The following LRCH1 variants were observed in gnomAD, a reference collection of about 807,000 sequenced individuals.
The protein encoded by LRCH1 is leucine-rich repeat and calponin homology domain-containing protein 1.
In LRCH1, 23 loss-of-function variants were observed where a neutral mutation model predicts 94.9. That is an observed-to-expected ratio of 0.24 (90% CI 0.17 to 0.34). The LOEUF is 0.34. Ranked by LOEUF, LRCH1 falls within the 10% of genes least tolerant of loss-of-function variation. LRCH1 has a pLI of 1.00. For missense variants in LRCH1, 790 were observed against 945.9 expected (o/e 0.84, Z 2.16); for synonymous variants, 364 against 354.9 (o/e 1.03, Z -0.29).
At chr13:46,690,328 A>T (rs879389154) in intron 7 of LRCH1, among the ~76,000 whole-genome samples, 8 of 152,136 alleles carry the variant, frequency 5.3e-5, no homozygotes, top group Non-Finnish European at 1.2e-4. Context: ...GAGAGAGGGG[A>T]TACTAAACAC....
chr13:46,637,712 G>GTT (rs5803363), intron 1 of LRCH1, among the ~76,000 whole-genome samples: 28 of 150,372 alleles, frequency 1.9e-4, no homozygotes, highest in South Asian at 1.3e-3. Context: ...GCACTTCGTA[G>GTT]TTTTTTTTTT....
intron 1 of LRCH1, among the ~76,000 whole-genome samples, chr13:46,557,169 T>A (rs1226546118): frequency 2.6e-5 from 1 of 38,166 alleles, no homozygotes; most frequent in African/African-American, 5.4e-5. Context: ...TAAAGCAAAT[T>A]TTTTTTTTTT....
intron 16 of LRCH1, among the ~76,000 whole-genome samples, chr13:46,722,151 A>G (rs1872610368): frequency 6.6e-6 from 1 of 152,224 alleles, no homozygotes; most frequent in African/African-American, 2.4e-5. Flanking sequence ...CTTATTCAGC[A>G]TTGTTTAAAT....
intron 2 of LRCH1, among the ~76,000 whole-genome samples, chr13:46,652,372 G>A (rs866464624): frequency 4.7e-5 from 7 of 149,348 alleles, no homozygotes; most frequent in Non-Finnish European, 7.4e-5. Context: ...CACTGCGTCT[G>A]GCCAAGTGTA....
At chr13:46,681,965 T>TGTGC (rs1188518112) in intron 4 of LRCH1, 119 bp downstream of exon 4, 6 of 639,170 alleles carry the variant, frequency 9.4e-6, no homozygotes, top group South Asian at 1.9e-5. Context: ...TGTGTGTGTG[T>TGTGC]GCCTACTACT....
chr13:46,688,159 A>G (rs192825884), intron 6 of LRCH1, among the ~76,000 whole-genome samples, 180 bp downstream of exon 6: 14 of 152,366 alleles, frequency 9.2e-5, no homozygotes, highest in African/African-American at 3.4e-4. Flanking sequence ...TTGAGAAACT[A>G]TTGGGATATG....
intron 1 of LRCH1, among the ~76,000 whole-genome samples, chr13:46,642,268 T>C (rs565021218): frequency 6.6e-6 from 1 of 152,326 alleles, no homozygotes; most frequent in East Asian, 1.9e-4. Context: ...TTCTACAAGC[T>C]ATACCCATAT....
At chr13:46,740,940 G>C (rs1873620958) in intron 19 of LRCH1, among the ~76,000 whole-genome samples, 1 of 152,098 alleles carries the variant, frequency 6.6e-6, no homozygotes, top group Non-Finnish European at 1.5e-5. Flanking sequence ...GTTTAGTAGT[G>C]AAGCAATTTA....
chr13:46,554,600 A>G (rs1443041396), intron 1 of LRCH1, among the ~76,000 whole-genome samples: 1 of 152,276 alleles, frequency 6.6e-6, no homozygotes. Flanking sequence ...TTTTCAAGTT[A>G]CGTCATGTGT....
At chr13:46,711,398 C>G (rs1872053622) in intron 13 of LRCH1, among the ~76,000 whole-genome samples, 1 of 152,038 alleles carries the variant, frequency 6.6e-6, no homozygotes, top group Admixed American at 6.6e-5. Flanking sequence ...ATTGAATGCT[C>G]CCAATGTGAT....
chr13:46,681,570 T>C (rs2051750914), intron 3 of LRCH1, among the ~76,000 whole-genome samples, 171 bp from the exon 4 acceptor site: 1 of 152,220 alleles, frequency 6.6e-6, no homozygotes. Context: ...GTTTAAAATG[T>C]TCAGCTTTCT....
intron 1 of LRCH1, among the ~76,000 whole-genome samples, chr13:46,639,601 C>G (rs940718309): frequency 2.0e-5 from 3 of 152,168 alleles, no homozygotes; most frequent in Non-Finnish European, 4.4e-5. Context: ...CTCTGCCCTC[C>G]CTCTCACACC....
At chr13:46,718,123 G>T (rs1384571790) in intron 16 of LRCH1, among the ~76,000 whole-genome samples, 2 of 149,386 alleles carry the variant, frequency 1.3e-5, no homozygotes, top group African/African-American at 5.1e-5. Context: ...CCTTCACTTT[G>T]AAGTTAAAAA....
intron 1 of LRCH1, among the ~76,000 whole-genome samples, chr13:46,628,457 T>G (rs2050977051): frequency 1.3e-5 from 2 of 151,880 alleles, no homozygotes; most frequent in Non-Finnish European, 2.9e-5. Flanking sequence ...TAACAGTCTA[T>G]TCAGCCTGGC....
chr13:46,578,024 G>A (rs2050322732), intron 1 of LRCH1, among the ~76,000 whole-genome samples: 1 of 152,204 alleles, frequency 6.6e-6, no homozygotes, highest in African/African-American at 2.4e-5. Context: ...GCCTTAGGCT[G>A]AGAGAAAAAC....
At chr13:46,607,579 T>C (rs2050701384) in intron 1 of LRCH1, among the ~76,000 whole-genome samples, 1 of 152,028 alleles carries the variant, frequency 6.6e-6, no homozygotes, top group Non-Finnish European at 1.5e-5. Context: ...TTCATTGTTC[T>C]TCTCCTTCTC....
chr13:46,689,524 C>A lies in LRCH1; in HGVS notation c.1014+328C>A, dbSNP rs150994091. On this transcript the variant is annotated intron_variant, in intron 7 of 19. Transcript: ENST00000389797. Reference sequence around the variant, plus strand: ...AATGGCTAAGTAGTACGCAAGTGCCCGTGAAGCACTTTTATACATACGCTT... The same window carrying A: ...AATGGCTAAGTAGTACGCAAGTGCCAGTGAAGCACTTTTATACATACGCTT... 2.8e-3 allele frequency among the ~76,000 whole-genome samples: 429 copies of A among 152,092 alleles called. 2 individuals carry two copies. The highest frequency in any genetic ancestry group is 9.8e-3 in the African/African-American group (408 of 41,512).
Position 46,695,006 on chromosome 13 carries a change from A to G in LRCH1, c.1234A>G (p.Met412Val), listed in dbSNP as rs745447098. 1 of 1,613,938 alleles carries G rather than the reference A, an allele frequency of 6.2e-7. No individual in the cohort carries two copies. Among genetic ancestry groups the G allele is most frequent in the Non-Finnish European group, 8.5e-7 (1 of 1,179,910 alleles). ...DRADGLHSEF[M>V]NYKARAEDCE... ...AGCAGATGGTCTCCATTCGGAATTT[A>G]TGAACTATAAGGCAAGATTTTCAGG... is the stretch of plus-strand genomic sequence containing the variant. Residue 412 changes from methionine (M) to valine (V), a missense_variant, in exon 9 of 20, where the codon ATG becomes GTG. Coordinates refer to ENST00000389797, the MANE Select transcript of LRCH1 (RefSeq NM_001164211.2).
intron 2 of LRCH1, among the ~76,000 whole-genome samples, chr13:46,652,184 C>A (rs1027325979): frequency 2.8e-4 from 42 of 151,794 alleles, no homozygotes; most frequent in African/African-American, 9.9e-4. Context: ...TCACGCCGTT[C>A]TACTGCCTCA....
Sources: allele counts gnomAD v4.1 joint callset (sites outside exome capture counted in the v4.1 genomes callset), GRCh38; gene constraint gnomAD v4.1.1; transcripts MANE v1.5; gene names NCBI Gene and HGNC (gene_info 2026-07-23, HGNC 2026-07-21).